Variants in USH2A observed in about 807,000 individuals in gnomAD.
The protein encoded by USH2A is Usher syndrome 2A (autosomal recessive, mild).
In USH2A, 443 loss-of-function variants were observed where a neutral mutation model predicts 538.9. That is an observed-to-expected ratio of 0.82 (90% CI 0.76 to 0.89). The LOEUF (loss-of-function observed/expected upper bound fraction) is 0.89, where lower values mean the gene tolerates loss of function less well. USH2A is among the 40% of genes least tolerant of loss of function. USH2A has a pLI of 0.00. For missense variants in USH2A, 6,633 were observed against 6,324.8 expected (o/e 1.05, Z -1.65); for synonymous variants, 2,413 against 2,273.5 (o/e 1.06, Z -1.75).
chr1:216,040,736 CT>C (rs1016434451), intron 32 of USH2A, among the ~76,000 whole-genome samples: 2 of 151,922 alleles, frequency 1.3e-5, no homozygotes, highest in African/African-American at 4.8e-5. Flanking sequence ...CCCACAATAG[CT>C]CTGCTAGTGA....
intron 50 of USH2A, among the ~76,000 whole-genome samples, chr1:215,791,775 T>C (rs1661988540): frequency 6.6e-6 from 1 of 152,238 alleles, no homozygotes; most frequent in Non-Finnish European, 1.5e-5. Context: ...TATATATGTG[T>C]GTATGTATAA....
At chr1:215,777,262 G>A (rs1012581466) in intron 55 of USH2A, among the ~76,000 whole-genome samples, 1 of 152,086 alleles carries the variant, frequency 6.6e-6, no homozygotes, top group African/African-American at 2.4e-5. Context: ...ATGAAAGGAA[G>A]AACTGGTAGG....
intron 21 of USH2A, among the ~76,000 whole-genome samples, chr1:216,145,562 G>A (rs1011055612): frequency 3.3e-5 from 5 of 152,304 alleles, no homozygotes; most frequent in Admixed American, 2.0e-4. Context: ...ACAGTTCAGA[G>A]TAGTCAAACA....
intron 43 of USH2A, 88 bp downstream of exon 43, chr1:215,877,670 C>T: frequency 6.3e-7 from 1 of 1,585,554 alleles, no homozygotes. Flanking sequence ...AACACGCTCA[C>T]ACAATGAAGA....
In USH2A at chr1:216,113,032, G is replaced by A. The variant is rs186898474; in HGVS notation, c.4628-15819C>T. Among the ~76,000 whole-genome samples the A allele has an allele frequency of 3.3e-3, 499 of 150,240 alleles. 5 individuals carry two copies. The highest frequency in any genetic ancestry group is 2.4e-3 in the Non-Finnish European group (159 of 67,638). ...TTTAGATCAAAGAATGTTTTCTTTC[G>A]TCTTTTGAAATAATCCCCCATTCCT... On this transcript the variant is annotated intron_variant, in intron 21 of 71. Coordinates refer to ENST00000307340, the MANE Select transcript of USH2A (RefSeq NM_206933.4).
intron 33 of USH2A, among the ~76,000 whole-genome samples, chr1:215,999,510 G>A (rs1668217146): frequency 6.6e-6 from 1 of 152,166 alleles, no homozygotes; most frequent in African/African-American, 2.4e-5. Flanking sequence ...AGGACTTCTT[G>A]AATGAAGTGA....
At chr1:215,815,894 A>G (rs1662846741) in intron 48 of USH2A, among the ~76,000 whole-genome samples, 1 of 152,070 alleles carries the variant, frequency 6.6e-6, no homozygotes, top group Admixed American at 6.6e-5. Flanking sequence ...TCTGGCCAGA[A>G]TCAGTTTTTA....
chr1:216,201,948 C>T (rs1042325350), intron 16 of USH2A: 5 of 152,622 alleles, frequency 3.3e-5, no homozygotes, highest in African/African-American at 9.7e-5. Flanking sequence ...TGGAAAAGTC[C>T]CCTAGGGCTG....
chr1:215,883,297 T>C (rs1664965937), intron 41 of USH2A, among the ~76,000 whole-genome samples: 1 of 152,132 alleles, frequency 6.6e-6, no homozygotes, highest in Non-Finnish European at 1.5e-5. Flanking sequence ...TAAGGTGAAA[T>C]TGATTTGTCT....
chr1:216,203,238 T>C (rs1052578539), intron 16 of USH2A, among the ~76,000 whole-genome samples: 9 of 151,870 alleles, frequency 5.9e-5, no homozygotes, highest in African/African-American at 1.9e-4. Context: ...TGTATATATA[T>C]ACACATATAC....
chr1:215,845,707 C>T (rs1391033534), intron 45 of USH2A, 117 bp downstream of exon 45: 2 of 1,118,444 alleles, frequency 1.8e-6, no homozygotes, highest in South Asian at 1.3e-5. Flanking sequence ...GCCTCCACCC[C>T]CTTCCCTCCC....
intron 2 of USH2A, 89 bp downstream of exon 2, chr1:216,421,763 C>G: frequency 1.3e-6 from 2 of 1,592,342 alleles, no homozygotes; most frequent in Non-Finnish European, 1.7e-6. Flanking sequence ...ATATAGCCTT[C>G]ACTTCCGGTT....
chr1:215,780,297 G>A (rs938261645), intron 54 of USH2A, among the ~76,000 whole-genome samples: 2 of 152,062 alleles, frequency 1.3e-5, no homozygotes, highest in African/African-American at 2.4e-5. Context: ...TGACGGCAGA[G>A]TGCAGCCCTC....
chr1:215,721,910 A>T (rs1558069289), intron 61 of USH2A, among the ~76,000 whole-genome samples: 1 of 152,056 alleles, frequency 6.6e-6, no homozygotes, highest in African/African-American at 2.4e-5. Flanking sequence ...CAAAAAATTT[A>T]AAAAATTAGC....
At chr1:216,312,442 A>G (rs2037439515) in intron 9 of USH2A, among the ~76,000 whole-genome samples, 1 of 151,784 alleles carries the variant, frequency 6.6e-6, no homozygotes, top group Non-Finnish European at 1.5e-5. Flanking sequence ...CATTTTTGGT[A>G]GCTGTCTCAC....
chr1:216,278,966 C>A (rs1413590852), intron 11 of USH2A, among the ~76,000 whole-genome samples: 1 of 152,220 alleles, frequency 6.6e-6, no homozygotes, highest in African/African-American at 2.4e-5. Context: ...TGAGTAGGGT[C>A]TCTGTTCCTT....
chr1:216,152,114 T>C (rs1467220766), intron 21 of USH2A, among the ~76,000 whole-genome samples: 5 of 152,192 alleles, frequency 3.3e-5, no homozygotes, highest in East Asian at 3.9e-4. Flanking sequence ...AGAAACATCG[T>C]CCATTCTCTC....
chr1:216,132,741 T>C (rs1402919004), intron 21 of USH2A, among the ~76,000 whole-genome samples: 1 of 152,124 alleles, frequency 6.6e-6, no homozygotes, highest in African/African-American at 2.4e-5. Flanking sequence ...GAAGTTGTCC[T>C]CTGCTAGCCC....
At chr1:215,846,189 T>C (rs377751603) in intron 44 of USH2A, among the ~76,000 whole-genome samples, 156 bp from the exon 45 acceptor site, 2 of 152,248 alleles carry the variant, frequency 1.3e-5, no homozygotes, top group African/African-American at 4.8e-5. Context: ...TCCTTTTTGG[T>C]GGTGCTGGTG....
Sources: allele counts gnomAD v4.1 joint callset (sites outside exome capture counted in the v4.1 genomes callset), GRCh38; gene constraint gnomAD v4.1.1; transcripts MANE v1.5; gene names NCBI Gene and HGNC (gene_info 2026-07-23, HGNC 2026-07-21).